The following RNF145 variants were observed in gnomAD, a reference collection of about 807,000 sequenced individuals.
RNF145 encodes ring finger protein 145.
A neutral mutation model predicts 57.3 loss-of-function variants in RNF145; 12 were observed. That is an observed-to-expected ratio of 0.21 (90% CI 0.13 to 0.34). The LOEUF (loss-of-function observed/expected upper bound fraction) is 0.34, where lower values mean the gene tolerates loss of function less well. RNF145 is among the 10% of genes least tolerant of loss of function. The pLI, the probability that RNF145 is intolerant of heterozygous loss-of-function variation, is 1.00. For synonymous variants in RNF145, 262 were observed against 288.3 expected (o/e 0.91, Z 0.92); for missense variants, 429 against 799.0 (o/e 0.54, Z 5.58).
intron 1 of RNF145, among the ~76,000 whole-genome samples, chr5:159,204,517 C>T (rs1199582507): frequency 2.0e-5 from 3 of 151,986 alleles, no homozygotes; most frequent in Non-Finnish European, 4.4e-5. Flanking sequence ...TAAAATAGGG[C>T]AAACAAGGCC....
chr5:159,170,096 A>T (rs1270305546), intron 6 of RNF145, among the ~76,000 whole-genome samples: 1 of 152,222 alleles, frequency 6.6e-6, no homozygotes, highest in East Asian at 1.9e-4. Flanking sequence ...AAGAGCCTAA[A>T]TGTTCACATC....
upstream of RNF145, chr5:159,209,645 A>ATCGCGCCCGCGGAGTGCTTT (rs1242408849): frequency 1.4e-5 from 14 of 967,462 alleles, no homozygotes; most frequent in East Asian, 3.5e-5. Context: ...CTCACTCACA[A>ATCGCGCCCGCGGAGTGCTTT]TCGCGCCCGC....
chr5:159,178,390 G>A (rs1784781804), intron 4 of RNF145, among the ~76,000 whole-genome samples: 1 of 151,874 alleles, frequency 6.6e-6, no homozygotes, highest in Admixed American at 6.6e-5. Context: ...ATAAGAACTT[G>A]TTACTTTTTG....
intron 8 of RNF145, 54 bp from the exon 9 acceptor site, chr5:159,163,133 C>A: frequency 6.7e-7 from 1 of 1,488,552 alleles, no homozygotes; most frequent in South Asian, 1.3e-5. Context: ...GTAGCACAAC[C>A]ACTCACATCA....
At chr5:159,178,942 T>TA (rs1784795970) in intron 4 of RNF145, among the ~76,000 whole-genome samples, 2 of 151,990 alleles carry the variant, frequency 1.3e-5, no homozygotes, top group African/African-American at 4.8e-5. Context: ...TTTTGGCCTT[T>TA]AAAAAACTGA....
Position 159,173,024 on chromosome 5 carries a change from G to C in RNF145, c.797+959C>G, listed in dbSNP as rs144632329. ...CAAGAGTGGAAAAAATAACAAATGT[G>C]GATCTAGCAGAAGCTCACAATAAAA... On this transcript the variant is annotated intron_variant, in intron 6 of 10. Transcript: ENST00000424310. Among the ~76,000 whole-genome samples, 512 of 152,202 alleles carry C rather than the reference G, an allele frequency of 3.4e-3. 4 individuals are homozygous for C. The highest frequency in any genetic ancestry group is 0.012 in the African/African-American group (487 of 41,534).
chr5:159,171,251 A>C (rs957581865), intron 6 of RNF145, among the ~76,000 whole-genome samples: 8 of 152,226 alleles, frequency 5.3e-5, no homozygotes, highest in African/African-American at 1.9e-4. Context: ...ACAATTTTAA[A>C]CAAATTGTGT....
At chr5:159,208,879 A>C (rs907692167) in intron 1 of RNF145, among the ~76,000 whole-genome samples, 18 of 142,020 alleles carry the variant, frequency 1.3e-4, no homozygotes, top group Non-Finnish European at 1.7e-4. Context: ...AATGTAAGGG[A>C]GCGCTCCAGG....
intron 3 of RNF145, among the ~76,000 whole-genome samples, chr5:159,189,483 G>A (rs1435846964): frequency 1.3e-5 from 2 of 152,184 alleles, no homozygotes; most frequent in African/African-American, 4.8e-5. Flanking sequence ...CAAATTGGAA[G>A]CCTCATACAC....
At chr5:159,180,334 C>T (rs1055032467) in intron 4 of RNF145, among the ~76,000 whole-genome samples, 6 of 152,188 alleles carry the variant, frequency 3.9e-5, no homozygotes, top group Non-Finnish European at 5.9e-5. Flanking sequence ...CTTTTCTCAG[C>T]TCCTGGGAAT....
At chr5:159,162,338 A>T (rs1784243757) in intron 9 of RNF145, among the ~76,000 whole-genome samples, 1 of 152,150 alleles carries the variant, frequency 6.6e-6, no homozygotes, top group African/African-American at 2.4e-5. Context: ...ACACCTCTGT[A>T]TCATACCATT....
intron 3 of RNF145, among the ~76,000 whole-genome samples, chr5:159,188,798 T>C (rs1765463048): frequency 5.9e-5 from 9 of 152,172 alleles, no homozygotes; most frequent in Admixed American, 5.9e-4. Flanking sequence ...TTTAGTCATT[T>C]CAGGATAATA....
chr5:159,208,908 A>G (rs1474585283), intron 1 of RNF145, among the ~76,000 whole-genome samples: 2 of 135,936 alleles, frequency 1.5e-5, no homozygotes, highest in Non-Finnish European at 3.2e-5. Context: ...AGAGGAAGGG[A>G]TGGGAGGGCG....
rs543141154 is a variant in RNF145 at position 159,189,017 on chromosome 5, T to C, written c.293+5699A>G. ...TTAAAATTATTATAAGTGCTGATTCTCCTTCTCAGGAGCATAATAAACTAT... is the reference window on the plus strand; with the variant it reads ...TTAAAATTATTATAAGTGCTGATTCCCCTTCTCAGGAGCATAATAAACTAT... On this transcript the variant is annotated intron_variant, in intron 3 of 10. Transcript: ENST00000424310. Among the ~76,000 whole-genome samples, 1,178 of 152,342 alleles carry C rather than the reference T, an allele frequency of 7.7e-3. 5 individuals carry two copies. Among genetic ancestry groups the C allele is most frequent in the Non-Finnish European group, 0.01 (709 of 68,032 alleles).
chr5:159,161,471 A>C lies in RNF145; in HGVS notation c.1421T>G (p.Val474Gly). 6.2e-7 allele frequency: 1 copy of C among 1,614,186 alleles called. No homozygotes were observed. The change falls in exon 10 of 11, where the codon GTC becomes GGC. Residue 474 changes from valine to glycine, a missense_variant. By Grantham distance (109) the Val-to-Gly change is moderately radical. Coordinates refer to ENST00000424310, the MANE Select transcript of RNF145 (RefSeq NM_001199383.2). ...CCATTCTCCAAAGATGGTCTCTGAG[A>C]CGCCATAGGCCACCACACAGAGGGC... ...LVALCVVAYGVSETIFGEWTV... is the reference protein window; with the variant it reads ...LVALCVVAYGGSETIFGEWTV...
At chr5:159,169,410 A>T (rs1784478237) in intron 7 of RNF145, among the ~76,000 whole-genome samples, 1 of 152,236 alleles carries the variant, frequency 6.6e-6, no homozygotes, top group South Asian at 2.1e-4. Context: ...CAAATGGGAA[A>T]AAGCACGCTT....
At chr5:159,191,320 G>C (rs746907502) in intron 3 of RNF145, among the ~76,000 whole-genome samples, 4 of 152,080 alleles carry the variant, frequency 2.6e-5, no homozygotes, top group Non-Finnish European at 4.4e-5. Flanking sequence ...TACCTAAGTG[G>C]AATGAACTAG....
In RNF145 at chr5:159,162,956, G is replaced by C; in HGVS notation, c.1245C>G (p.Ser415=). 1 of 1,611,954 alleles carries C rather than the reference G, an allele frequency of 6.2e-7. No individual in the cohort carries two copies. The highest frequency in any genetic ancestry group is 1.1e-5 in the South Asian group (1 of 90,588). The part of the protein sequence containing the change: ...HMDFWLLIII[S]SSILTSLQVL... ...CCTGAAGAGAGGTAAGAATGCTGCT[G>C]GAAATAATGATAAGAAGCCAAAAAT... is the stretch of plus-strand genomic sequence containing the variant. The change falls in exon 9 of 11, where the codon TCC becomes TCG. Residue 415 remains serine (S), a synonymous_variant. Transcript: ENST00000424310.
At chr5:159,167,776 C>T (rs1784434058) in intron 8 of RNF145, among the ~76,000 whole-genome samples, 1 of 152,070 alleles carries the variant, frequency 6.6e-6, no homozygotes, top group African/African-American at 2.4e-5. Context: ...ATAGTTTGAG[C>T]TTATTTAAAT....
Sources: gnomAD v4.1 joint callset for allele counts (sites outside exome capture counted in the v4.1 genomes callset) on GRCh38, gnomAD v4.1.1 for gene constraint, MANE v1.5 for transcripts, NCBI Gene and HGNC (gene_info 2026-07-23, HGNC 2026-07-21) for gene names.